The following HIPK2 variants were observed in gnomAD, a reference collection of about 807,000 sequenced individuals.
The protein encoded by HIPK2 is homeodomain-interacting protein kinase 2.
A neutral mutation model predicts 113.7 loss-of-function variants in HIPK2; 27 were observed. The observed-to-expected ratio is 0.24, with a 90% confidence interval of 0.17 to 0.33. HIPK2 has a LOEUF of 0.33. Ranked by LOEUF, HIPK2 falls within the 10% of genes least tolerant of loss-of-function variation. The probability of loss-of-function intolerance (pLI) is 1.00; values close to 1 mark genes in which losing one functional copy is unlikely to be tolerated. For synonymous variants in HIPK2, 631 were observed against 642.2 expected, an observed-to-expected ratio of 0.98 and a Z score of 0.26; for missense variants, 1,257 against 1,588.0, an observed-to-expected ratio of 0.79 and a Z score of 3.54.
chr7:139,613,279 T>A lies in HIPK2; in HGVS notation c.2035A>T (p.Met679Leu), dbSNP rs986760320. 2.5e-6 allele frequency: 4 copies of A among 1,613,542 alleles called. No homozygotes were observed. In the African/African-American group the frequency reaches 5.3e-5, roughly 22 times the overall value. ...PSKHAGYSVRMENAVPIVTQA... is the reference protein window; with the variant it reads ...PSKHAGYSVRLENAVPIVTQA... ...GTGACGATGGGAACTGCATTTTCCATTCGCACCGAGTAGCCAGCGTGCTTA... is the reference window on the plus strand; with the variant it reads ...GTGACGATGGGAACTGCATTTTCCAATCGCACCGAGTAGCCAGCGTGCTTA... The change falls in exon 9 of 15, where the codon ATG (methionine) becomes TTG (leucine). Residue 679 changes from methionine (M) to leucine (L), a missense_variant. Met to Leu is a conservative substitution (Grantham distance 15). Coordinates refer to ENST00000406875, the MANE Select transcript of HIPK2 (RefSeq NM_022740.5). This position sits in a 1 kb window ranked among gnomAD's most constrained non-coding sequence, Gnocchi z 4.2.
chr7:139,652,324 AG>A (rs1411414554), intron 2 of HIPK2, among the ~76,000 whole-genome samples: 1 of 152,184 alleles, frequency 6.6e-6, no homozygotes, highest in East Asian at 1.9e-4. Context: ...AGACAGCAGG[AG>A]GAAGGCATTC....
At chr7:139,774,375 G>T (rs1373361722) in intron 1 of HIPK2, among the ~76,000 whole-genome samples, 2 of 152,150 alleles carry the variant, frequency 1.3e-5, no homozygotes, top group Non-Finnish European at 2.9e-5. Context: ...ATAGCACATT[G>T]TCTGAAATCA....
intron 1 of HIPK2, among the ~76,000 whole-genome samples, chr7:139,773,825 G>A (rs748610216): frequency 7.2e-5 from 11 of 152,210 alleles, no homozygotes; most frequent in Non-Finnish European, 1.6e-4. Context: ...CCAGCCTGCT[G>A]CCTTGTTTAG....
At chr7:139,774,176 A>C (rs1796701002) in intron 1 of HIPK2, among the ~76,000 whole-genome samples, 1 of 152,208 alleles carries the variant, frequency 6.6e-6, no homozygotes, top group Admixed American at 6.5e-5. Context: ...TTTGTGGGTT[A>C]TTCTTTCCCT....
intron 2 of HIPK2, among the ~76,000 whole-genome samples, chr7:139,648,703 A>C (rs990208787): frequency 6.6e-6 from 1 of 152,072 alleles, no homozygotes; most frequent in African/African-American, 2.4e-5. Flanking sequence ...CCCCGTCTGC[A>C]TCATTACGGA....
At chr7:139,703,759 CACA>C (rs1389554960) in intron 2 of HIPK2, among the ~76,000 whole-genome samples, 3 of 7,240 alleles carry the variant, frequency 4.1e-4, no homozygotes, top group Non-Finnish European at 8.4e-4. Context: ...CACACACACA[CACA>C]CCCACACACT....
Position 139,716,044 on chromosome 7 carries a change from T to C in HIPK2, c.991A>G (p.Met331Val). The C allele has an allele frequency of 6.2e-7, 1 of 1,614,116 alleles. No individual in the cohort carries two copies. The highest frequency in any genetic ancestry group is 8.5e-7 in the Non-Finnish European group (1 of 1,179,974). Residue 331 changes from methionine (M) to valine (V), a missense_variant, in exon 2 of 15, where the codon ATG becomes GTG. Physicochemically the swap from Met to Val is conservative, Grantham distance 21. Transcript: ENST00000406875. This position sits in a 1 kb window ranked among gnomAD's most constrained non-coding sequence, Gnocchi z 9.3. ...GGTTGTCTAGATGGATCCACCAGCATGATGTTTTCTGGTTTGAGGTCAGCG... is the reference window on the plus strand; with the variant it reads ...GGTTGTCTAGATGGATCCACCAGCACGATGTTTTCTGGTTTGAGGTCAGCG... ...IHADLKPENI[M>V]LVDPSRQPYR...
chr7:139,587,811 G>A (rs1798887911), intron 12 of HIPK2, among the ~76,000 whole-genome samples: 1 of 152,064 alleles, frequency 6.6e-6, no homozygotes, highest in Non-Finnish European at 1.5e-5. Flanking sequence ...CCAGGAGTTT[G>A]AGGCTGCAGT....
intron 2 of HIPK2, among the ~76,000 whole-genome samples, chr7:139,692,568 A>T (rs1794437700): frequency 6.6e-6 from 1 of 152,208 alleles, no homozygotes; most frequent in African/African-American, 2.4e-5. Flanking sequence ...CATCTGTAGA[A>T]TTTGGGGTGG....
intron 2 of HIPK2, among the ~76,000 whole-genome samples, chr7:139,708,446 C>T (rs1186844294): frequency 1.3e-5 from 2 of 152,158 alleles, no homozygotes; most frequent in Non-Finnish European, 2.9e-5. Flanking sequence ...CCCAGAGGGC[C>T]TGCTCATTAG....
In HIPK2 at chr7:139,568,010, A is replaced by G. The variant is rs1336537331; in HGVS notation, c.*4917T>C. The G allele has an allele frequency of 6.6e-6, 1 of 152,340 alleles. No homozygotes were observed. Among genetic ancestry groups the G allele is most frequent in the Non-Finnish European group, 1.5e-5 (1 of 68,176 alleles). The allele number at this position is 152,340 out of a possible 1,614,324, so 9.4% of individuals were successfully genotyped here. ...CATCTCCTCCCTCCAGTTTCCAAGA[A>G]AGTTTGTTCCACTCACTCACACATG... On this transcript the variant is annotated 3_prime_UTR_variant, in exon 15 of 15. Transcript: ENST00000406875.
intron 1 of HIPK2, among the ~76,000 whole-genome samples, chr7:139,760,005 G>GTT (rs200764109): frequency 2.1e-5 from 3 of 143,568 alleles, no homozygotes; most frequent in Non-Finnish European, 4.6e-5. Context: ...CTACCTAGTT[G>GTT]TTTTTTTTTT....
chr7:139,775,101 G>GT (rs1796718076), intron 1 of HIPK2, among the ~76,000 whole-genome samples: 1 of 152,136 alleles, frequency 6.6e-6, no homozygotes, highest in Non-Finnish European at 1.5e-5. Flanking sequence ...CTCTCGTGTC[G>GT]TTATACTTTT....
chr7:139,669,464 C>A (rs1802182927), intron 2 of HIPK2, among the ~76,000 whole-genome samples: 1 of 152,208 alleles, frequency 6.6e-6, no homozygotes, highest in African/African-American at 2.4e-5. Flanking sequence ...TTGAATTCAG[C>A]CTTTCAAGAC....
In HIPK2 at chr7:139,596,851, G is replaced by A. The variant is rs754618884; in HGVS notation, c.2583C>T (p.Asp861=). 3.1e-6 allele frequency: 5 copies of A among 1,613,928 alleles called. No homozygotes were observed. Among genetic ancestry groups the A allele is most frequent in the Admixed American group, 1.7e-5 (1 of 60,026 alleles). The change falls in exon 12 of 15, where the codon GAC becomes GAT. Residue 861 remains aspartate (D), a synonymous_variant. Coordinates refer to ENST00000406875, the MANE Select transcript of HIPK2 (RefSeq NM_022740.5). ...GTTCCCGGGTGGTGCTGGAGGCCAC[G>A]TCGCCCCACCCACAGGTGACCGAGG... The part of the protein sequence containing the change: ...CSTSVTCGWG[D]VASSTTRERQ...
At chr7:139,721,197 A>G (rs1226968952) in intron 1 of HIPK2, among the ~76,000 whole-genome samples, 1 of 152,254 alleles carries the variant, frequency 6.6e-6, no homozygotes, top group Non-Finnish European at 1.5e-5. Context: ...TCTGTAGCAG[A>G]GGCCACTTTG....
intron 2 of HIPK2, among the ~76,000 whole-genome samples, chr7:139,662,175 T>C (rs536503778): frequency 6.6e-6 from 1 of 152,352 alleles, no homozygotes; most frequent in South Asian, 2.1e-4. Context: ...CTTTAATCCA[T>C]GCTCTTTGAG....
intron 2 of HIPK2, among the ~76,000 whole-genome samples, chr7:139,680,290 T>C (rs1382131331): frequency 2.0e-5 from 3 of 152,168 alleles, no homozygotes; most frequent in Non-Finnish European, 4.4e-5. Flanking sequence ...CACGATTCAG[T>C]CACGATTAAC....
chr7:139,584,311 G>A (rs1241786581), intron 12 of HIPK2, among the ~76,000 whole-genome samples: 1 of 152,094 alleles, frequency 6.6e-6, no homozygotes, highest in South Asian at 2.1e-4. Flanking sequence ...CTGGAAACTA[G>A]GGAGTGAGAT....
Sources: gnomAD v4.1 joint callset for allele counts (sites outside exome capture counted in the v4.1 genomes callset) on GRCh38, gnomAD v4.1.1 for gene constraint, Gnocchi (gnomAD v3.1) non-coding constraint, MANE v1.5 for transcripts, NCBI Gene and HGNC (gene_info 2026-07-23, HGNC 2026-07-21) for gene names.